TMTC1: variants seen among roughly 807,000 people sequenced by gnomAD.
The protein encoded by TMTC1 is protein O-mannosyl-transferase TMTC1.
A neutral mutation model predicts 104.8 loss-of-function variants in TMTC1; 73 were observed. That is an observed-to-expected ratio of 0.70 (90% CI 0.58 to 0.85). The LOEUF (loss-of-function observed/expected upper bound fraction) is 0.85. Among genes scored for constraint, TMTC1 ranks in the 40% least tolerant of loss-of-function variants. TMTC1 has a pLI of 0.00. For missense variants in TMTC1, 1,035 were observed against 1,096.1 expected, an observed-to-expected ratio of 0.94 and a Z score of 0.79; for synonymous variants, 434 against 428.7, an observed-to-expected ratio of 1.01 and a Z score of -0.15.
At chr12:29,595,079 T>C (rs188182573) in intron 7 of TMTC1, among the ~76,000 whole-genome samples, 1 of 152,244 alleles carries the variant, frequency 6.6e-6, no homozygotes, top group Non-Finnish European at 1.5e-5. Flanking sequence ...CATGTATTAT[T>C]GTATTCAGTC....
chr12:29,635,275 T>C (rs541887192), intron 5 of TMTC1, among the ~76,000 whole-genome samples: 17 of 152,242 alleles, frequency 1.1e-4, no homozygotes, highest in Admixed American at 1.1e-3. Context: ...AGGAAAGTGA[T>C]TGGATCATTT....
At chr12:29,643,839 T>TTA (rs1337285364) in intron 5 of TMTC1, among the ~76,000 whole-genome samples, 2 of 76,650 alleles carry the variant, frequency 2.6e-5, no homozygotes, top group Non-Finnish European at 4.7e-5. Flanking sequence ...TTATATATAT[T>TTA]TATATATTTA....
intron 5 of TMTC1, among the ~76,000 whole-genome samples, chr12:29,709,361 T>C (rs999769455): frequency 6.6e-6 from 1 of 152,124 alleles, no homozygotes; most frequent in African/African-American, 2.4e-5. Context: ...TTCATAGGGC[T>C]GTGTGTATAT....
At chr12:29,591,818 T>C (rs1946290446) in intron 7 of TMTC1, among the ~76,000 whole-genome samples, 1 of 152,246 alleles carries the variant, frequency 6.6e-6, no homozygotes, top group Non-Finnish European at 1.5e-5. Context: ...ATGTTTTAAA[T>C]CTGTTGTTTG....
chr12:29,622,871 C>T (rs778132679), intron 6 of TMTC1, among the ~76,000 whole-genome samples: 11 of 152,090 alleles, frequency 7.2e-5, no homozygotes, highest in Non-Finnish European at 1.6e-4. Context: ...TGAGCTCTTC[C>T]GTGATAAATA....
At chr12:29,751,949 C>T in intron 4 of TMTC1, 77 bp from the exon 5 acceptor site, 1 of 1,347,688 alleles carries the variant, frequency 7.4e-7, no homozygotes, top group Non-Finnish European at 9.9e-7. Flanking sequence ...CAGTAAACTG[C>T]CCCACCCACA....
At chr12:29,564,829 T>C (rs1186029926) in intron 9 of TMTC1, among the ~76,000 whole-genome samples, 1 of 152,032 alleles carries the variant, frequency 6.6e-6, no homozygotes, top group Non-Finnish European at 1.5e-5. Flanking sequence ...AACTAGAGAA[T>C]ATTTAAATAT....
At chr12:29,707,156 A>AT (rs1941768624) in intron 5 of TMTC1, among the ~76,000 whole-genome samples, 1 of 152,078 alleles carries the variant, frequency 6.6e-6, no homozygotes, top group Non-Finnish European at 1.5e-5. Context: ...TGGCTTGGGA[A>AT]TAGGTTGGGG....
intron 5 of TMTC1, among the ~76,000 whole-genome samples, chr12:29,651,213 A>G (rs1939503643): frequency 6.6e-6 from 1 of 152,220 alleles, no homozygotes; most frequent in Non-Finnish European, 1.5e-5. Flanking sequence ...TGTAGCTACC[A>G]TGAGAATACT....
intron 5 of TMTC1, among the ~76,000 whole-genome samples, chr12:29,749,814 T>G (rs1005633830): frequency 6.6e-6 from 1 of 152,082 alleles, no homozygotes; most frequent in Non-Finnish European, 1.5e-5. Context: ...TTTCCTTCCT[T>G]TCCCTCTCCC....
chr12:29,647,821 ATGT>A (rs1325177747), intron 5 of TMTC1, among the ~76,000 whole-genome samples: 1 of 152,234 alleles, frequency 6.6e-6, no homozygotes, highest in Non-Finnish European at 1.5e-5. Context: ...TGAAAATCCT[ATGT>A]TATCTCCTTT....
At chr12:29,613,649 C>A (rs945423649) in intron 6 of TMTC1, among the ~76,000 whole-genome samples, 1 of 151,670 alleles carries the variant, frequency 6.6e-6, no homozygotes, top group Non-Finnish European at 1.5e-5. Context: ...GCAATAAAGC[C>A]AAGAATGAAT....
intron 7 of TMTC1, among the ~76,000 whole-genome samples, chr12:29,585,332 G>A (rs1170091236): frequency 6.6e-6 from 1 of 152,098 alleles, no homozygotes; most frequent in Non-Finnish European, 1.5e-5. Flanking sequence ...TGCAGATTCT[G>A]GATATTAGCC....
At position 29,518,850 on chromosome 12, in the gene TMTC1, A is replaced by G. The variant is rs552583454; in HGVS notation, c.1889-243T>C. Reference sequence around the variant, plus strand: ...AAAAAAGCAGTAAAAACTAAAACCTATTGTTTTAATTATATATATTATTTT... The same window carrying G: ...AAAAAAGCAGTAAAAACTAAAACCTGTTGTTTTAATTATATATATTATTTT... On this transcript the variant is annotated intron_variant, in intron 12 of 17. Coordinates refer to ENST00000539277, the MANE Select transcript of TMTC1 (RefSeq NM_001193451.2). Among the ~76,000 whole-genome samples, 14 of 152,282 alleles carry G rather than the reference A, an allele frequency of 9.2e-5. No individual in the cohort carries two copies. The East Asian group carries it at 2.1e-3, about 23-fold the overall frequency.
intron 5 of TMTC1, among the ~76,000 whole-genome samples, chr12:29,745,617 T>G (rs1432275095): frequency 1.3e-4 from 1 of 7,980 alleles, no homozygotes; most frequent in African/African-American, 5.4e-4. Flanking sequence ...CGAGACTCAA[T>G]CAAAAAAAAA....
chr12:29,693,880 C>T (rs1053523610), intron 5 of TMTC1, among the ~76,000 whole-genome samples: 3 of 152,240 alleles, frequency 2.0e-5, no homozygotes, highest in South Asian at 2.1e-4. Context: ...TAATTTAGTT[C>T]TCTTGGTATT....
chr12:29,782,935 A>G (rs1592051022), intron 1 of TMTC1: 1 of 152,356 alleles, frequency 6.6e-6, no homozygotes, highest in Non-Finnish European at 1.5e-5. Context: ...CCTCTCCTGA[A>G]CCCACGCAGC....
At chr12:29,589,770 G>A (rs1946231808) in intron 7 of TMTC1, among the ~76,000 whole-genome samples, 1 of 152,196 alleles carries the variant, frequency 6.6e-6, no homozygotes, top group African/African-American at 2.4e-5. Flanking sequence ...CTGTGCGGTA[G>A]GCACTGTGCT....
intron 5 of TMTC1, among the ~76,000 whole-genome samples, chr12:29,750,029 C>T (rs567160152): frequency 7.4e-5 from 11 of 149,650 alleles, no homozygotes; most frequent in East Asian, 2.1e-4. Flanking sequence ...CCAGAGGGAA[C>T]GTTTTTAAAA....
Sources: gnomAD v4.1 joint callset for allele counts (sites outside exome capture counted in the v4.1 genomes callset) on GRCh38, gnomAD v4.1.1 for gene constraint, MANE v1.5 for transcripts, NCBI Gene and HGNC (gene_info 2026-07-23, HGNC 2026-07-21) for gene names.